Variants in GRM3 observed in about 807,000 individuals in gnomAD.
The protein encoded by GRM3 is glutamate metabotropic receptor 3.
GRM3 carries 26 observed loss-of-function variants against 70.5 expected under a neutral mutation model. That is an observed-to-expected ratio of 0.37 (90% confidence interval 0.27 to 0.51). The LOEUF (loss-of-function observed/expected upper bound fraction) is 0.51, where lower values mean the gene tolerates loss of function less well. Ranked by LOEUF, GRM3 falls within the 20% of genes least tolerant of loss-of-function variation. GRM3 has a pLI of 0.93. For synonymous variants in GRM3, 443 were observed against 434.9 expected, an observed-to-expected ratio of 1.02 and a Z score of -0.23; for missense variants, 859 against 1,123.8, an observed-to-expected ratio of 0.76 and a Z score of 3.37.
chr7:86,693,735 CG>C (rs1562828003), intron 1 of GRM3, among the ~76,000 whole-genome samples: 1 of 142,396 alleles, frequency 7.0e-6, no homozygotes, highest in African/African-American at 3.1e-5. Context: ...GAGCTAGAGC[CG>C]AGCCGCTGTT....
chr7:86,723,269 T>C (rs971893625), intron 1 of GRM3, among the ~76,000 whole-genome samples: 3 of 151,942 alleles, frequency 2.0e-5, no homozygotes, highest in Non-Finnish European at 2.9e-5. Context: ...GATATAATGA[T>C]GATTAAAAGG....
chr7:86,795,773 T>C (rs1234996135), intron 3 of GRM3, among the ~76,000 whole-genome samples: 1 of 152,190 alleles, frequency 6.6e-6, no homozygotes. Context: ...GTAATGAGAT[T>C]GCTGGGTCAA....
chr7:86,820,841 T>A (rs2116683767), intron 3 of GRM3, among the ~76,000 whole-genome samples: 1 of 152,252 alleles, frequency 6.6e-6, no homozygotes, highest in South Asian at 2.1e-4. Context: ...ACAAAGTAAA[T>A]GCTTCCAGCC....
intron 1 of GRM3, among the ~76,000 whole-genome samples, chr7:86,737,088 A>T (rs1476704380): frequency 6.6e-6 from 1 of 152,210 alleles, no homozygotes; most frequent in African/African-American, 2.4e-5. Flanking sequence ...ATAAATGGCC[A>T]AACTCAGCTG....
In GRM3 at chr7:86,748,089, T is replaced by C. The variant is rs185379280; in HGVS notation, c.-140-16917T>C. 2.7e-3 allele frequency among the ~76,000 whole-genome samples: 406 copies of C among 152,228 alleles called. 3 individuals are homozygous for C. Among genetic ancestry groups the C allele is most frequent in the Non-Finnish European group, 4.8e-3 (325 of 67,984 alleles). On this transcript the variant is annotated intron_variant, in intron 1 of 5. Transcript: ENST00000361669. ...GAAACATTCTTTTTTTCCCTTCACC[T>C]GGCAGGAGACAGCCTGTGGATATAC...
chr7:86,661,403 T>C (rs1479327775), intron 1 of GRM3, among the ~76,000 whole-genome samples: 1 of 151,964 alleles, frequency 6.6e-6, no homozygotes, highest in African/African-American at 2.4e-5. Flanking sequence ...CACTTTTTGT[T>C]ATGTTGGGCC....
chr7:86,697,329 C>T (rs772317687), intron 1 of GRM3, among the ~76,000 whole-genome samples: 3 of 150,524 alleles, frequency 2.0e-5, no homozygotes, highest in Non-Finnish European at 4.4e-5. Flanking sequence ...ATGGTTTGTA[C>T]ACAGAATCAG....
intron 1 of GRM3, among the ~76,000 whole-genome samples, chr7:86,698,535 T>TATATATATATATATATATATATATATAA (rs1562829875): frequency 7.0e-5 from 10 of 142,134 alleles, no homozygotes; most frequent in African/African-American, 2.8e-4. Flanking sequence ...TATATATATA[T>TATATATATATATATATATATATATATAA]ATAAAATACA....
At chr7:86,720,565 C>T (rs1388342697) in intron 1 of GRM3, among the ~76,000 whole-genome samples, 1 of 152,062 alleles carries the variant, frequency 6.6e-6, no homozygotes, top group Non-Finnish European at 1.5e-5. Context: ...GCCTAGATAT[C>T]TTGGCCGTGC....
intron 1 of GRM3, among the ~76,000 whole-genome samples, chr7:86,668,793 G>A (rs550649157): frequency 1.8e-4 from 27 of 152,196 alleles, no homozygotes; most frequent in African/African-American, 4.6e-4. Flanking sequence ...AACTATTGTC[G>A]TTTTCCCTGC....
At chr7:86,769,275 C>T (rs139040127) in intron 2 of GRM3, among the ~76,000 whole-genome samples, 8 of 151,858 alleles carry the variant, frequency 5.3e-5, no homozygotes, top group Middle Eastern at 3.2e-3. Context: ...TGAACTGAGC[C>T]GGGGGAAAAA....
intron 1 of GRM3, among the ~76,000 whole-genome samples, chr7:86,738,429 G>T (rs1021995400): frequency 6.6e-6 from 1 of 152,186 alleles, no homozygotes; most frequent in South Asian, 2.1e-4. Context: ...TGAATTAATT[G>T]TGAGGGCCAG....
At chr7:86,811,149 C>T (rs1284873264) in intron 3 of GRM3, among the ~76,000 whole-genome samples, 1 of 151,846 alleles carries the variant, frequency 6.6e-6, no homozygotes, top group African/African-American at 2.4e-5. Context: ...TCATGTGAAC[C>T]ATAAATTTTT....
At chr7:86,712,539 T>G (rs189046339) in intron 1 of GRM3, among the ~76,000 whole-genome samples, 4 of 152,166 alleles carry the variant, frequency 2.6e-5, no homozygotes. Flanking sequence ...AATAGATTAT[T>G]GTAAACTATA....
chr7:86,764,720 CA>C (rs1361477024), intron 1 of GRM3, among the ~76,000 whole-genome samples: 3 of 151,768 alleles, frequency 2.0e-5, no homozygotes, highest in Non-Finnish European at 4.4e-5. Context: ...AAACAAAACA[CA>C]AAAAAACTGG....
intron 1 of GRM3, among the ~76,000 whole-genome samples, chr7:86,712,399 G>A (rs889460321): frequency 6.6e-6 from 1 of 151,990 alleles, no homozygotes; most frequent in African/African-American, 2.4e-5. Context: ...GGAGGTACAT[G>A]AGATAATTTA....
intron 1 of GRM3, among the ~76,000 whole-genome samples, chr7:86,707,945 G>A (rs191276120): frequency 6.6e-6 from 1 of 151,972 alleles, no homozygotes; most frequent in African/African-American, 2.4e-5. Flanking sequence ...TATGAAAAAG[G>A]TACTGTCATG....
At chr7:86,675,197 C>G (rs1433429558) in intron 1 of GRM3, among the ~76,000 whole-genome samples, 1 of 152,002 alleles carries the variant, frequency 6.6e-6, no homozygotes, top group Non-Finnish European at 1.5e-5. Flanking sequence ...TCTTGGAGAA[C>G]CAGTACTGTG....
intron 5 of GRM3, among the ~76,000 whole-genome samples, chr7:86,853,537 T>A (rs779047709): frequency 2.6e-5 from 4 of 152,206 alleles, no homozygotes; most frequent in Non-Finnish European, 5.9e-5. Flanking sequence ...AGATAAAGCA[T>A]ATGTTTTTCT....
Sources: gnomAD v4.1 joint callset for allele counts (sites outside exome capture counted in the v4.1 genomes callset) on GRCh38, gnomAD v4.1.1 for gene constraint, MANE v1.5 for transcripts, NCBI Gene and HGNC (gene_info 2026-07-23, HGNC 2026-07-21) for gene names.